The following TPP2 variants were observed in gnomAD, a reference collection of about 807,000 sequenced individuals.
The protein encoded by TPP2 is tripeptidyl-peptidase 2.
A neutral mutation model predicts 155.9 loss-of-function variants in TPP2; 34 were observed. The observed-to-expected ratio is 0.22, with a 90% CI of 0.17 to 0.29. The LOEUF (loss-of-function observed/expected upper bound fraction) is 0.29. Among genes scored for constraint, TPP2 ranks in the 10% least tolerant of loss-of-function variants. The probability of loss-of-function intolerance (pLI) is 1.00; values close to 1 mark genes in which losing one functional copy is unlikely to be tolerated. For missense variants in TPP2, 1,028 were observed against 1,522.3 expected, an observed-to-expected ratio of 0.68 and a Z score of 5.40; for synonymous variants, 510 against 529.4, an observed-to-expected ratio of 0.96 and a Z score of 0.50.
intron 10 of TPP2, among the ~76,000 whole-genome samples, chr13:102,633,296 G>A (rs927191324): frequency 3.3e-5 from 5 of 152,192 alleles, no homozygotes; most frequent in African/African-American, 9.7e-5. Context: ...CAGTATGGCA[G>A]CAGTCAGGGA....
In TPP2 at chr13:102,663,025, A is replaced by G. The variant is rs1057094035; in HGVS notation, c.3144-623A>G. 1.1e-4 allele frequency among the ~76,000 whole-genome samples: 17 copies of G among 152,102 alleles called. 1 individual carries two copies. Among genetic ancestry groups the G allele is most frequent in the African/African-American group, 3.4e-4 (14 of 41,502 alleles). ...GTGAATATGCTTTTCTTCCTTTTAAATAAATATAATAGCTGGTATGTAAGA... is the reference window on the plus strand; with the variant it reads ...GTGAATATGCTTTTCTTCCTTTTAAGTAAATATAATAGCTGGTATGTAAGA... On this transcript the variant is annotated intron_variant, in intron 25 of 29. Coordinates refer to ENST00000376052, the MANE Select transcript of TPP2 (RefSeq NM_001330588.2).
intron 27 of TPP2, 83 bp downstream of exon 27, chr13:102,665,008 T>G: frequency 1.8e-4 from 270 of 1,514,586 alleles, no homozygotes; most frequent in Non-Finnish European, 2.2e-4. Flanking sequence ...TTATAGAGGA[T>G]ATTGCTTTTC....
chr13:102,629,183 G>A (rs1375227086), intron 8 of TPP2, among the ~76,000 whole-genome samples: 1 of 152,152 alleles, frequency 6.6e-6, no homozygotes, highest in Non-Finnish European at 1.5e-5. Context: ...TTAACTGGGG[G>A]ATGGAAATAG....
rs1016095996 is a variant in TPP2, at chr13:102,663,833, G to A, written c.3240+89G>A. The A allele has an allele frequency of 4.0e-6, 4 of 996,868 alleles. No homozygotes were observed. In the African/African-American group the frequency reaches 5.1e-5, roughly 13 times the overall value. 61.8% of individuals were successfully genotyped at this position (996,868 alleles called of 1,614,324 possible). A position where few individuals can be genotyped will look rare whatever the true frequency, so the allele number is the denominator to read the frequency against. On this transcript the variant is annotated intron_variant, in intron 26 of 29. Coordinates refer to ENST00000376052, the MANE Select transcript of TPP2 (RefSeq NM_001330588.2). ...GAAAAGTGCATTATCTTTCTCTTCT[G>A]TTCTTGCTAACTAAAACATGTTTTC... is the stretch of plus-strand genomic sequence containing the variant.
chr13:102,644,494 T>G, intron 17 of TPP2, 63 bp from the exon 18 acceptor site: 1 of 1,394,358 alleles, frequency 7.2e-7, no homozygotes, highest in South Asian at 1.4e-5. Context: ...ACAGCTAGTA[T>G]TTATATTCTG....
intron 6 of TPP2, among the ~76,000 whole-genome samples, chr13:102,625,410 C>T (rs1490217155): frequency 1.3e-5 from 2 of 151,922 alleles, no homozygotes; most frequent in Non-Finnish European, 2.9e-5. Context: ...GTGATCCGCC[C>T]GCCTCGGCTT....
Position 102,633,882 on chromosome 13 carries a change from G to A in TPP2, c.1245-68G>A, listed in dbSNP as rs186096128. 3.1e-4 allele frequency: 501 copies of A among 1,600,562 alleles called. 5 individuals carry two copies. In the South Asian group the frequency reaches 5.0e-3, roughly 16 times the overall value. ...ATACTATTGGATTTAACCAGTGGTC[G>A]TCTTAAAAATGCCCATGTATGTTTA... On this transcript the variant is annotated intron_variant, in intron 10 of 29. Transcript: ENST00000376052.
At chr13:102,646,867 C>G (rs917614711) in intron 20 of TPP2, among the ~76,000 whole-genome samples, 1 of 152,200 alleles carries the variant, frequency 6.6e-6, no homozygotes, top group Non-Finnish European at 1.5e-5. Flanking sequence ...AAAACTGTTA[C>G]TGAAACACAC....
chr13:102,626,887 C>G (rs1881662399), intron 6 of TPP2, 125 bp from the exon 7 acceptor site: 3 of 980,614 alleles, frequency 3.1e-6, no homozygotes, highest in Admixed American at 6.3e-5. Flanking sequence ...AGTTTTTGCT[C>G]TCCATGAACA....
chr13:102,662,016 A>C (rs1401307237), intron 25 of TPP2, among the ~76,000 whole-genome samples: 1 of 152,220 alleles, frequency 6.6e-6, no homozygotes, highest in Non-Finnish European at 1.5e-5. Flanking sequence ...AAAAGGTGGA[A>C]TGTCCATCAG....
At chr13:102,619,919 TG>T (rs1881030774) in intron 5 of TPP2, among the ~76,000 whole-genome samples, 1 of 152,168 alleles carries the variant, frequency 6.6e-6, no homozygotes, top group African/African-American at 2.4e-5. Flanking sequence ...TCACACTCAG[TG>T]ATAAGCCTTA....
chr13:102,624,178 T>A (rs1199393636), intron 6 of TPP2, among the ~76,000 whole-genome samples: 1 of 152,180 alleles, frequency 6.6e-6, no homozygotes, highest in Non-Finnish European at 1.5e-5. Context: ...TGTTTATAGA[T>A]ATGTGTGTTT....
intron 23 of TPP2, 66 bp downstream of exon 23, chr13:102,649,552 A>T (rs547075763): frequency 1.4e-6 from 2 of 1,380,898 alleles, no homozygotes; most frequent in East Asian, 4.8e-5. Flanking sequence ...AAAGATAAGA[A>T]TTAATTCCAC....
chr13:102,650,757 T>TA (rs1357958330), intron 23 of TPP2, among the ~76,000 whole-genome samples: 3 of 152,348 alleles, frequency 2.0e-5, no homozygotes, highest in Admixed American at 1.3e-4. Flanking sequence ...ACTTCCCAGT[T>TA]ACATTGTTTT....
rs138338626 is a variant in TPP2 at position 102,634,415 on chromosome 13, A to T, written c.1393+317A>T. The stretch of plus-strand genomic sequence containing the variant: ...TTATAGTTGGGATAAACAGACTCTG[A>T]ACAAAATAAAAAACTGTAGATGTTG... On this transcript the variant is annotated intron_variant, in intron 11 of 29. Coordinates refer to ENST00000376052, the MANE Select transcript of TPP2 (RefSeq NM_001330588.2). Among the ~76,000 whole-genome samples the T allele has an allele frequency of 8.8e-3, 1,334 of 152,272 alleles. 28 individuals are homozygous for T. Among genetic ancestry groups the T allele is most frequent in the African/African-American group, 0.03 (1,231 of 41,560 alleles).
At chr13:102,614,070 A>G (rs1286374637) in intron 2 of TPP2, 31 bp from the exon 3 acceptor site, 1 of 1,592,520 alleles carries the variant, frequency 6.3e-7, no homozygotes, top group Non-Finnish European at 8.6e-7. Flanking sequence ...GCATTTAGTG[A>G]ATGAACAGGT....
At chr13:102,620,233 T>C (rs949936104) in intron 5 of TPP2, among the ~76,000 whole-genome samples, 1 of 152,230 alleles carries the variant, frequency 6.6e-6, no homozygotes, top group African/African-American at 2.4e-5. Context: ...GACTCACTTG[T>C]AGCAGTTTGT....
In TPP2 at chr13:102,606,582, A is replaced by C. The variant is rs549926862; in HGVS notation, c.294+1661A>C. On this transcript the variant is annotated intron_variant, in intron 2 of 29. Transcript: ENST00000376052. ...AATCTCTGACCTTGGTGATGACCCC[A>C]GTCTTTCTTTTAAAGAACTCACCTG... 7.7e-4 allele frequency among the ~76,000 whole-genome samples: 117 copies of C among 152,340 alleles called. 1 individual carries two copies. The highest frequency in any genetic ancestry group is 2.8e-3 in the African/African-American group (116 of 41,570).
chr13:102,619,384 G>A (rs1391362101), intron 5 of TPP2, among the ~76,000 whole-genome samples: 1 of 151,720 alleles, frequency 6.6e-6, no homozygotes, highest in Non-Finnish European at 1.5e-5. Flanking sequence ...CATGAAAACA[G>A]GAAGACATTG....
Sources: allele counts gnomAD v4.1 joint callset (sites outside exome capture counted in the v4.1 genomes callset), GRCh38; gene constraint gnomAD v4.1.1; transcripts MANE v1.5; gene names NCBI Gene and HGNC (gene_info 2026-07-23, HGNC 2026-07-21).